Variants in PPP2R3B observed in about 807,000 individuals in gnomAD.
PPP2R3B encodes protein phosphatase 2 regulatory subunit B''beta.
Under a neutral mutation model 72.9 loss-of-function variants are expected in PPP2R3B, and 68 were observed. That is an observed-to-expected ratio of 0.93 (90% CI 0.77 to 1.14). The LOEUF is 1.14. Among genes scored for constraint, PPP2R3B ranks in the 50% most tolerant of loss-of-function variants. The pLI is 0.00. For missense variants in PPP2R3B, 1,018 were observed against 842.0 expected (o/e 1.21, Z -2.59); for synonymous variants, 466 against 375.8 (o/e 1.24, Z -2.78).
At chrX:364,514 A>C (rs1216606632) in intron 1 of PPP2R3B, among the ~76,000 whole-genome samples, 13 of 109,552 alleles carry the variant, frequency 1.2e-4, no homozygotes, top group South Asian at 5.1e-4. Flanking sequence ...ACTAAAAAAA[A>C]AAAAAACAAA....
chrX:347,799 GAA>G, intron 2 of PPP2R3B, 106 bp from the exon 3 acceptor site: 1 of 797,594 alleles, frequency 1.3e-6, no homozygotes, highest in Admixed American at 3.0e-5. Context: ...CTCTGCTGCA[GAA>G]AGACACAGCA....
chrX:347,776 C>T, intron 2 of PPP2R3B, 83 bp from the exon 3 acceptor site: 1 of 1,017,852 alleles, frequency 9.8e-7, no homozygotes, highest in Non-Finnish European at 1.4e-6. Flanking sequence ...CTGACCGACG[C>T]CGCCCAGAGA....
At chrX:341,647 G>A in intron 8 of PPP2R3B, 1 of 647,164 alleles carries the variant, frequency 1.5e-6, no homozygotes, top group Non-Finnish European at 2.7e-6. Flanking sequence ...CGCCCGACAA[G>A]AACCCCCGAC....
In PPP2R3B at chrX:346,925, G is replaced by A. The variant is rs1465067469; in HGVS notation, c.718-150C>T. 6.5e-6 allele frequency: 5 copies of A among 770,456 alleles called. No homozygotes were observed. In the African/African-American group the frequency reaches 7.0e-5, roughly 11 times the overall value. 47.7% of individuals were successfully genotyped at this position (770,456 alleles called of 1,614,324 possible). On this transcript the variant is annotated intron_variant, in intron 4 of 12. Coordinates refer to ENST00000390665, the MANE Select transcript of PPP2R3B (RefSeq NM_013239.5). ...TCCCGTGAGGGATGAGGCGTATGGT[G>A]TAGACGCCGGCCCTCCCGTGAGGGA... is the stretch of plus-strand genomic sequence containing the variant.
rs2071203235 is a variant in PPP2R3B at position 346,098 on chromosome X, G to GGC, written c.879+75_879+76insGC. On this transcript the variant is annotated intron_variant, in intron 6 of 12. Transcript: ENST00000390665. The stretch of plus-strand genomic sequence containing the variant: ...GTGGGAGGGGAGGAGGGAGGGGGGA[G>GGC]GAGGGAAGGGAAGGGAGTGGAGGTA... The GGC allele has an allele frequency of 4.6e-6, 3 of 655,740 alleles. 1 individual carries two copies. Among genetic ancestry groups the GGC allele is most frequent in the Middle Eastern group, 8.0e-4 (2 of 2,492 alleles). 40.6% of individuals were successfully genotyped at this position (655,740 alleles called of 1,614,324 possible).
At chrX:338,305 G>A (rs953753691) in intron 12 of PPP2R3B, 85 of 552,412 alleles carry the variant, frequency 1.5e-4, no homozygotes, top group African/African-American at 2.1e-4. Context: ...CGTCGTTGGC[G>A]AAACACGACT....
intron 2 of PPP2R3B, 69 bp downstream of exon 2, chrX:361,333 GGCC>G: frequency 6.4e-7 from 1 of 1,564,372 alleles, no homozygotes; most frequent in Non-Finnish European, 8.7e-7. Context: ...CACCCACCAC[GGCC>G]GCTCCGCCTC....
rs528471871 is a variant in PPP2R3B at position 385,168 on chromosome X, T to C, written c.324+1200A>G. On this transcript the variant is annotated intron_variant, in intron 1 of 12. Transcript: ENST00000390665. ...AAGGTGAACTCGGGAGTAGGTAACATGCATGTTTGTTCAATACCCATGCGT... is the reference window on the plus strand; with the variant it reads ...AAGGTGAACTCGGGAGTAGGTAACACGCATGTTTGTTCAATACCCATGCGT... Among the ~76,000 whole-genome samples, 3 of 152,070 alleles carry C rather than the reference T, an allele frequency of 2.0e-5. No individual in the cohort carries two copies. In the South Asian group the frequency reaches 6.2e-4, roughly 32 times the overall value.
At chrX:346,070 G>T in intron 6 of PPP2R3B, 104 bp downstream of exon 6, 1 of 544,488 alleles carries the variant, frequency 1.8e-6, no homozygotes, top group Non-Finnish European at 3.2e-6. Context: ...GGTGGGAGAG[G>T]GGGTGGGAGG....
chrX:359,701 T>G, intron 2 of PPP2R3B: 2 of 362,304 alleles, frequency 5.5e-6, no homozygotes, highest in South Asian at 2.1e-5. Flanking sequence ...AATATGCAAG[T>G]GTACAACAGC....
intron 7 of PPP2R3B, among the ~76,000 whole-genome samples, chrX:344,609 G>T (rs2071156889): frequency 6.6e-6 from 1 of 152,248 alleles, no homozygotes; most frequent in Non-Finnish European, 1.5e-5. Flanking sequence ...CCTGGTTCTG[G>T]GCCGATTCCC....
At chrX:348,907 G>A (rs1284533351) in intron 2 of PPP2R3B, among the ~76,000 whole-genome samples, 4 of 152,108 alleles carry the variant, frequency 2.6e-5, no homozygotes, top group African/African-American at 4.8e-5. Flanking sequence ...TGCCTGTTCC[G>A]AGGCTGGCAC....
intron 2 of PPP2R3B, among the ~76,000 whole-genome samples, chrX:357,150 C>T (rs1483852709): frequency 6.6e-5 from 10 of 151,994 alleles, no homozygotes; most frequent in Non-Finnish European, 8.8e-5. Flanking sequence ...CTACAGCGAC[C>T]GGAAGCACAT....
At chrX:363,802 G>T (rs755756671) in intron 1 of PPP2R3B, among the ~76,000 whole-genome samples, 5 of 152,074 alleles carry the variant, frequency 3.3e-5, no homozygotes, top group Non-Finnish European at 7.4e-5. Flanking sequence ...CCTTCATCAC[G>T]CTGGGTTCAC....
chrX:341,841 G>T, intron 8 of PPP2R3B, 42 bp downstream of exon 8: 1 of 1,607,042 alleles, frequency 6.2e-7, no homozygotes, highest in Non-Finnish European at 8.5e-7. Flanking sequence ...CGGGGTCCTC[G>T]CAGGGGCAAT....
intron 1 of PPP2R3B, among the ~76,000 whole-genome samples, chrX:368,127 G>A (rs1384214889): frequency 4.0e-5 from 6 of 151,606 alleles, no homozygotes; most frequent in Middle Eastern, 3.4e-3. Context: ...AGGGAAGGCC[G>A]GGACCACCCA....
At chrX:378,120 C>A (rs752609723) in intron 1 of PPP2R3B, among the ~76,000 whole-genome samples, 4 of 152,146 alleles carry the variant, frequency 2.6e-5, no homozygotes, top group Admixed American at 2.6e-4. Context: ...CAGGCCAGCA[C>A]GGAATCTGCG....
chrX:362,783 C>T (rs779970086), intron 1 of PPP2R3B, among the ~76,000 whole-genome samples: 11 of 152,206 alleles, frequency 7.2e-5, no homozygotes, highest in East Asian at 5.8e-4. Flanking sequence ...GAAAACAGCC[C>T]GCCCTGCTAC....
At chrX:380,970 T>C (rs1384065744) in intron 1 of PPP2R3B, among the ~76,000 whole-genome samples, 3 of 151,548 alleles carry the variant, frequency 2.0e-5, no homozygotes, top group Admixed American at 2.0e-4. Context: ...GAGTCTCACT[T>C]TGTTGCCCCG....
Sources: allele counts gnomAD v4.1 joint callset (sites outside exome capture counted in the v4.1 genomes callset), GRCh38; gene constraint gnomAD v4.1.1; transcripts MANE v1.5; gene names NCBI Gene and HGNC (gene_info 2026-07-23, HGNC 2026-07-21).